PLAC1: variants seen among roughly 807,000 people sequenced by gnomAD.
PLAC1 encodes the protein placenta associated 1.
For missense variants in PLAC1, 136 were observed against 163.2 expected (o/e 0.83, Z 0.91); for synonymous variants, 68 against 62.1 (o/e 1.09, Z -0.44).
chrX:134,731,285 T>C (rs2078688344), intron 2 of PLAC1, among the ~76,000 whole-genome samples: 1 of 112,053 alleles, frequency 8.9e-6, no homozygotes, highest in African/African-American at 3.2e-5. Flanking sequence ...GATATAATTG[T>C]ACCTACCTGT....
chrX:134,613,102 T>C (rs191396567), intron 1 of PLAC1, among the ~76,000 whole-genome samples: 31 of 110,717 alleles, frequency 2.8e-4, no homozygotes, highest in Non-Finnish European at 3.8e-4. Flanking sequence ...GGAGGATCAC[T>C]TGAGCCTGGG....
At chrX:134,702,464 G>A (rs953060426) in intron 2 of PLAC1, among the ~76,000 whole-genome samples, 1 of 111,970 alleles carries the variant, frequency 8.9e-6, no homozygotes, top group African/African-American at 3.2e-5. Context: ...GATGCAGCTC[G>A]AGGCCATTAT....
intron 2 of PLAC1, among the ~76,000 whole-genome samples, chrX:134,575,140 A>G (rs2077930728): frequency 9.0e-6 from 1 of 110,963 alleles, no homozygotes; most frequent in African/African-American, 3.3e-5. Context: ...GGACTAAAAG[A>G]GAGATCCAGG....
Position 134,626,510 on chromosome X carries a change from C to T in PLAC1, c.-130-24388G>A, listed in dbSNP as rs146286480. ...CATAGGTCTCTCCAATAAAAGCTTG[C>T]ATTGGATTCTGTTGTAACCCATCTC... On this transcript the variant is annotated intron_variant, in intron 1 of 2. Coordinates refer to ENST00000359237, the MANE Select transcript of PLAC1 (RefSeq NM_021796.4). 5.7e-4 allele frequency among the ~76,000 whole-genome samples: 64 copies of T among 112,502 alleles called. 1 individual carries two copies. In the East Asian group the frequency reaches 0.018, roughly 31 times the overall value.
chrX:134,580,903 T>C (rs1345072145), intron 2 of PLAC1, among the ~76,000 whole-genome samples: 1 of 111,837 alleles, frequency 8.9e-6, no homozygotes, highest in Non-Finnish European at 1.9e-5. Flanking sequence ...GAAATGTGTA[T>C]GGCTTCTGTA....
intron 2 of PLAC1, among the ~76,000 whole-genome samples, chrX:134,588,484 A>C (rs1197713757): frequency 9.2e-6 from 1 of 108,603 alleles, no homozygotes; most frequent in African/African-American, 3.4e-5. Flanking sequence ...AACCCACAGG[A>C]ACCTGTGGTT....
rs763979022 is a variant in PLAC1 at position 134,718,861 on chromosome X, G to C, written n.174+14574C>G. Among the ~76,000 whole-genome samples, 3 of 112,081 alleles carry C rather than the reference G, an allele frequency of 2.7e-5. No homozygotes were observed. The South Asian group carries it at 1.1e-3, about 42-fold the overall frequency. ...AAAGATTGCCCTCTTCCTTTTCCAT[G>C]CTCACCTCCCTTTCTTGCCAAATGC... On this transcript the variant is annotated intron_variant and non_coding_transcript_variant, in intron 2 of 2. Transcript: ENST00000466797.
At chrX:134,582,948 G>A (rs2077981710) in intron 2 of PLAC1, among the ~76,000 whole-genome samples, 1 of 111,524 alleles carries the variant, frequency 9.0e-6, no homozygotes, top group South Asian at 3.8e-4. Flanking sequence ...AACTAACTTT[G>A]GGAATTACTT....
At chrX:134,641,599 G>A (rs1435868981) in intron 1 of PLAC1, among the ~76,000 whole-genome samples, 2 of 112,333 alleles carry the variant, frequency 1.8e-5, no homozygotes, top group Non-Finnish European at 3.8e-5. Context: ...TCAGTCACCA[G>A]CTTGATGTTT....
chrX:134,675,577 A>T (rs2078471097), intron 2 of PLAC1, among the ~76,000 whole-genome samples: 1 of 111,000 alleles, frequency 9.0e-6, no homozygotes, highest in Admixed American at 9.6e-5. Flanking sequence ...AGGCAGGAGA[A>T]TCGCTTGAAT....
At chrX:134,607,226 C>T (rs756608159) in intron 1 of PLAC1, 8 of 139,310 alleles carry the variant, frequency 5.7e-5, no homozygotes, top group Non-Finnish European at 1.2e-4. Context: ...TGGGTTCATT[C>T]CTTTGGCCAC....
intron 1 of PLAC1, chrX:134,733,587 C>T (rs2078695177): frequency 9.0e-6 from 1 of 111,608 alleles, no homozygotes; most frequent in South Asian, 3.8e-4. Flanking sequence ...CCCCAAAGCC[C>T]TTGACCAGGC....
At chrX:134,648,347 C>CG (rs112783480) in intron 1 of PLAC1, among the ~76,000 whole-genome samples, 1,382 of 111,264 alleles carry the variant, frequency 0.012, 22 homozygotes, top group African/African-American at 0.043. Flanking sequence ...ATACCATAAA[C>CG]GGAAGGAACC....
At chrX:134,575,889 C>T (rs977742085) in intron 2 of PLAC1, among the ~76,000 whole-genome samples, 1 of 107,515 alleles carries the variant, frequency 9.3e-6, no homozygotes, top group Admixed American at 1.0e-4. Context: ...TATTATAATA[C>T]ATAATATTTT....
At chrX:134,614,272 C>T (rs2078168659) in intron 1 of PLAC1, among the ~76,000 whole-genome samples, 1 of 111,365 alleles carries the variant, frequency 9.0e-6, no homozygotes, top group Admixed American at 9.6e-5. Context: ...AGGTGTATAA[C>T]ATGATGTGTA....
chrX:134,697,101 T>G (rs182550624), intron 2 of PLAC1, among the ~76,000 whole-genome samples: 165 of 111,061 alleles, frequency 1.5e-3, no homozygotes, highest in Non-Finnish European at 2.2e-3. Context: ...GCACAAGTCT[T>G]TCTTTCTCAC....
At chrX:134,582,742 C>T (rs1187598166) in intron 2 of PLAC1, among the ~76,000 whole-genome samples, 1 of 111,111 alleles carries the variant, frequency 9.0e-6, no homozygotes, top group African/African-American at 3.3e-5. Context: ...ATGGAGAAGA[C>T]AATGACTTAG....
intron 2 of PLAC1, among the ~76,000 whole-genome samples, chrX:134,716,369 TG>T (rs1385940305): frequency 1.8e-5 from 2 of 112,518 alleles, no homozygotes; most frequent in African/African-American, 3.2e-5. Context: ...TAGGAGGGCC[TG>T]GGGTGGTTGA....
intron 1 of PLAC1, among the ~76,000 whole-genome samples, chrX:134,647,511 C>G (rs1190272906): frequency 9.3e-6 from 1 of 107,430 alleles, no homozygotes; most frequent in African/African-American, 3.4e-5. Flanking sequence ...TCAGAGGGTG[C>G]CTGTGCCTAT....
Sources: gnomAD v4.1 joint callset for allele counts (sites outside exome capture counted in the v4.1 genomes callset) on GRCh38, gnomAD v4.1.1 for gene constraint, MANE v1.5 for transcripts, NCBI Gene and HGNC (gene_info 2026-07-23, HGNC 2026-07-21) for gene names.